The following FBLN2 variants were observed in gnomAD, a reference collection of about 807,000 sequenced individuals.
FBLN2 encodes fibulin-2.
Under a neutral mutation model 123.7 loss-of-function variants are expected in FBLN2, and 81 were observed. The ratio of observed to expected loss-of-function variants is 0.65; its 90% CI spans 0.55 to 0.79. FBLN2 has a LOEUF of 0.79. FBLN2 is among the 30% of genes least tolerant of loss of function. The probability of loss-of-function intolerance (pLI) is 0.00; values close to 1 mark genes in which losing one functional copy is unlikely to be tolerated. For missense variants in FBLN2, 1,603 were observed against 1,681.3 expected (o/e 0.95, Z 0.81); for synonymous variants, 699 against 701.4 (o/e 1.00, Z 0.05).
At chr3:13,604,120 A>G (rs1306598638) in intron 2 of FBLN2, among the ~76,000 whole-genome samples, 1 of 152,124 alleles carries the variant, frequency 6.6e-6, no homozygotes, top group Non-Finnish European at 1.5e-5. Flanking sequence ...TTCTTTGTAG[A>G]TTCTGGATAT....
Position 13,626,520 on chromosome 3 carries a change from A to T in FBLN2, c.2372A>T (p.His791Leu), listed in dbSNP as rs755943585. 7 of 1,561,842 alleles carry T rather than the reference A, an allele frequency of 4.5e-6. No homozygotes were observed. The highest frequency in any genetic ancestry group is 6.1e-6 in the Non-Finnish European group (7 of 1,152,868). ...TGTGTGAACACACTGGGCTCCTTCC[A>T]CTGCTACAAGGCACTCACCTGTGAG... ...EHCVNTLGSF[H>L]CYKALTCEPG... Residue 791 changes from histidine (H) to leucine (L), a missense_variant, in exon 10 of 18, where the codon CAC becomes CTC. Physicochemically the swap from His to Leu is moderately conservative, Grantham distance 99 (BLOSUM62 -3). Coordinates refer to ENST00000404922, the MANE Select transcript of FBLN2 (RefSeq NM_001004019.2).
At chr3:13,625,391 C>T (rs1309996727) in intron 9 of FBLN2, among the ~76,000 whole-genome samples, 1 of 152,174 alleles carries the variant, frequency 6.6e-6, no homozygotes, top group African/African-American at 2.4e-5. Context: ...TCCTTGGCCT[C>T]CTCTCCGTGT....
chr3:13,628,847 G>T, intron 11 of FBLN2, 58 bp from the exon 12 acceptor site: 1 of 1,584,832 alleles, frequency 6.3e-7, no homozygotes, highest in Non-Finnish European at 8.6e-7. Context: ...CCTGGGAGGG[G>T]CTGGGGCCTG....
Position 13,608,100 on chromosome 3 carries a change from G to A in FBLN2, c.1345G>A (p.Gly449Arg), listed in dbSNP as rs368465742. The change falls in exon 3 of 18, where the codon GGA (glycine) becomes AGA (arginine). Residue 449 changes from glycine (G) to arginine (R), a missense_variant. Coordinates refer to ENST00000404922, the MANE Select transcript of FBLN2 (RefSeq NM_001004019.2). ...KDLIETCCAA[G>R]QQWAIDNDEC... The stretch of plus-strand genomic sequence containing the variant: ...CCTGATCGAGACTTGCTGCGCAGCC[G>A]GACAGCAGTGGGCCATTGACAATGA... The A allele has an allele frequency of 2.2e-4, 344 of 1,595,818 alleles. No homozygotes were observed. The highest frequency in any genetic ancestry group is 2.7e-4 in the Non-Finnish European group (317 of 1,171,378).
rs1284441222 is a variant in FBLN2 at position 13,570,428 on chromosome 3, G to C, written c.73G>C (p.Ala25Pro). 1.3e-6 allele frequency: 2 copies of C among 1,573,006 alleles called. No homozygotes were observed. The highest frequency in any genetic ancestry group is 1.7e-6 in the Non-Finnish European group (2 of 1,160,678). Reference sequence around the variant, plus strand: ...GGCCCTGGCCCTGGGCCCCAGCGTGGCCGCAGCTGCCCCTCGGCAGGACTG... The same window carrying C: ...GGCCCTGGCCCTGGGCCCCAGCGTGCCCGCAGCTGCCCCTCGGCAGGACTG... ...GLALALGPSVAAAAPRQDCTG... is the reference protein window; with the variant it reads ...GLALALGPSVPAAAPRQDCTG... Residue 25 changes from alanine to proline, a missense_variant, in exon 2 of 18, where the codon GCC (alanine) becomes CCC (proline). Ala to Pro is a conservative substitution (Grantham distance 27). Coordinates refer to ENST00000404922, the MANE Select transcript of FBLN2 (RefSeq NM_001004019.2).
chr3:13,583,160 G>A (rs552966005), intron 2 of FBLN2, among the ~76,000 whole-genome samples: 1 of 152,378 alleles, frequency 6.6e-6, no homozygotes, highest in Non-Finnish European at 1.5e-5. Flanking sequence ...AAGGGGAGGG[G>A]CACCCTCCTC....
chr3:13,580,663 C>T (rs567817439), intron 2 of FBLN2, among the ~76,000 whole-genome samples: 4 of 152,304 alleles, frequency 2.6e-5, no homozygotes, highest in Admixed American at 2.0e-4. Flanking sequence ...CCCAGTGAGT[C>T]TCACTGGTCA....
chr3:13,553,538 C>G (rs957458041), intron 1 of FBLN2, among the ~76,000 whole-genome samples: 1 of 152,234 alleles, frequency 6.6e-6, no homozygotes, highest in Non-Finnish European at 1.5e-5. Context: ...TGGGCACGTC[C>G]TTTCCCAGGG....
At position 13,614,113 on chromosome 3, in the gene FBLN2, A is replaced by C. The variant is rs983004537; in HGVS notation, c.1678A>C (p.Ile560Leu). ...LSCCEGEEPLIVPEVRRPPEP... is the reference protein window; with the variant it reads ...LSCCEGEEPLLVPEVRRPPEP... ...CTGCTGTGAGGGTGAAGAGCCTCTCATAGTACCTGAGGTTCGCCGACCTCC... is the reference window on the plus strand; with the variant it reads ...CTGCTGTGAGGGTGAAGAGCCTCTCCTAGTACCTGAGGTTCGCCGACCTCC... Residue 560 changes from isoleucine (I) to leucine (L), a missense_variant, in exon 5 of 18, where the codon ATA (isoleucine) becomes CTA (leucine). Ile to Leu is a conservative substitution (Grantham distance 5). Transcript: ENST00000404922. The C allele has an allele frequency of 1.2e-6, 2 of 1,613,442 alleles. No individual in the cohort carries two copies. The highest frequency in any genetic ancestry group is 2.7e-5 in the African/African-American group (2 of 74,926).
intron 9 of FBLN2, among the ~76,000 whole-genome samples, chr3:13,624,552 G>A (rs1705959882): frequency 6.6e-6 from 1 of 152,190 alleles, no homozygotes; most frequent in South Asian, 2.1e-4. Context: ...GACACTGTTT[G>A]GTTCACCTGT....
intron 9 of FBLN2, among the ~76,000 whole-genome samples, chr3:13,622,768 T>C (rs997306007): frequency 6.6e-6 from 1 of 152,234 alleles, no homozygotes; most frequent in African/African-American, 2.4e-5. Flanking sequence ...CTGTAAACCC[T>C]TGTGTCCTCC....
At chr3:13,561,077 C>T (rs1192299361) in intron 1 of FBLN2, among the ~76,000 whole-genome samples, 1 of 152,210 alleles carries the variant, frequency 6.6e-6, no homozygotes, top group Non-Finnish European at 1.5e-5. Flanking sequence ...TGCCCGCCCC[C>T]ATAGGTCCTC....
chr3:13,619,621 G>A, intron 7 of FBLN2, 109 bp from the exon 8 acceptor site: 1 of 827,500 alleles, frequency 1.2e-6, no homozygotes, highest in South Asian at 1.6e-5. Flanking sequence ...CCTTCTAGGG[G>A]CCTTGTTTCT....
intron 1 of FBLN2, among the ~76,000 whole-genome samples, chr3:13,568,213 C>T (rs1703807340): frequency 6.6e-6 from 1 of 152,168 alleles, no homozygotes; most frequent in Admixed American, 6.5e-5. Flanking sequence ...CATGGGCTTC[C>T]ATCTCCCTGC....
chr3:13,614,918 A>G (rs1183726647), intron 5 of FBLN2, among the ~76,000 whole-genome samples: 1 of 147,924 alleles, frequency 6.8e-6, no homozygotes, highest in Non-Finnish European at 1.5e-5. Context: ...CCATCCATCC[A>G]TCCATCCATC....
chr3:13,620,178 C>T (rs1358719068), intron 8 of FBLN2, among the ~76,000 whole-genome samples: 1 of 152,156 alleles, frequency 6.6e-6, no homozygotes, highest in Non-Finnish European at 1.5e-5. Flanking sequence ...TGAGATTCTG[C>T]CGAATCCCCA....
Position 13,637,622 on chromosome 3 carries a change from C to A in FBLN2, c.3399C>A (p.Ile1133=). The A allele has an allele frequency of 6.2e-7, 1 of 1,613,926 alleles. No homozygotes were observed. Among genetic ancestry groups the A allele is most frequent in the Non-Finnish European group, 8.5e-7 (1 of 1,179,854 alleles). The change falls in exon 18 of 18, where the codon ATC becomes ATA. Residue 1133 remains isoleucine (I), a synonymous_variant. Transcript: ENST00000404922. ...FLECQNSPAR[I]THYQLNFQTG... ...AGTGCCAGAACTCGCCAGCGCGCAT[C>A]ACGCACTACCAGCTCAACTTCCAGA...
rs111946316 is a variant in FBLN2, at chr3:13,631,359, T to C, written c.3116T>C (p.Ile1039Thr). The change falls in exon 16 of 18, where the codon ATC becomes ACC. Residue 1039 changes from isoleucine (I) to threonine (T), a missense_variant. Coordinates refer to ENST00000404922, the MANE Select transcript of FBLN2 (RefSeq NM_001004019.2). The part of the protein sequence containing the change: ...DIDECAQGAG[I>T]LCTFRCLNVP... Reference sequence around the variant, plus strand: ...GACGAGTGTGCTCAAGGCGCCGGCATCCTCTGCACCTTCCGCTGTCTCAAC... The same window carrying C: ...GACGAGTGTGCTCAAGGCGCCGGCACCCTCTGCACCTTCCGCTGTCTCAAC... 2.3e-5 allele frequency: 37 copies of C among 1,603,508 alleles called. No homozygotes were observed. Among genetic ancestry groups the C allele is most frequent in the Non-Finnish European group, 3.1e-5 (37 of 1,175,636 alleles).
chr3:13,621,671 G>C (rs968332920), intron 8 of FBLN2, 104 bp from the exon 9 acceptor site: 36 of 1,295,080 alleles, frequency 2.8e-5, no homozygotes, highest in Non-Finnish European at 3.7e-5. Flanking sequence ...CCCCAGACAG[G>C]CCCCTGCCCC....
Sources: allele counts gnomAD v4.1 joint callset (sites outside exome capture counted in the v4.1 genomes callset), GRCh38; gene constraint gnomAD v4.1.1; transcripts MANE v1.5; gene names NCBI Gene and HGNC (gene_info 2026-07-23, HGNC 2026-07-21).